ERFL: variants seen among roughly 807,000 people sequenced by gnomAD.
The protein encoded by ERFL is ETS repressor factor like.
In ERFL, 8 loss-of-function variants were observed where a neutral mutation model predicts 27.9. The observed-to-expected ratio is 0.29, with a 90% CI of 0.17 to 0.52. The LOEUF is 0.52. Ranked by LOEUF, ERFL falls within the 20% of genes least tolerant of loss-of-function variation. The probability of loss-of-function intolerance (pLI) is 0.97; values close to 1 mark genes in which losing one functional copy is unlikely to be tolerated. For synonymous variants in ERFL, 174 were observed against 202.8 expected, an observed-to-expected ratio of 0.86 and a Z score of 1.21; for missense variants, 294 against 444.4, an observed-to-expected ratio of 0.66 and a Z score of 3.04.
chr19:41,919,080 T>TACACC (rs1555852200), intron 1 of ERFL, among the ~76,000 whole-genome samples: 1 of 148,346 alleles, frequency 6.7e-6, no homozygotes, highest in Non-Finnish European at 1.5e-5. Flanking sequence ...CCACACACAT[T>TACACC]ACACCACACC....
intron 1 of ERFL, among the ~76,000 whole-genome samples, chr19:41,920,135 T>C (rs2074831658): frequency 1.0e-5 from 1 of 99,640 alleles, no homozygotes; most frequent in African/African-American, 4.3e-5. Context: ...ACACATGCGC[T>C]CACAGACATG....
At chr19:41,920,491 A>G (rs2074835706) in intron 1 of ERFL, among the ~76,000 whole-genome samples, 1 of 149,822 alleles carries the variant, frequency 6.7e-6, no homozygotes, top group African/African-American at 2.5e-5. Context: ...CGTGACACAC[A>G]GACATGACGC....
intron 1 of ERFL, among the ~76,000 whole-genome samples, chr19:41,913,839 C>T (rs1326211318): frequency 1.3e-5 from 2 of 151,334 alleles, no homozygotes; most frequent in East Asian, 2.0e-4. Context: ...CTCTCACACC[C>T]CTCCGCAGAC....
chr19:41,909,093 G>T lies in ERFL; in HGVS notation c.583C>A (p.Arg195Ser), dbSNP rs955746824. 2.4e-6 allele frequency: 3 copies of T among 1,231,638 alleles called. No homozygotes were observed. The highest frequency in any genetic ancestry group is 3.0e-6 in the Non-Finnish European group (3 of 988,030). The allele number at this position is 1,231,638 out of a possible 1,614,324, so 76.3% of individuals were successfully genotyped here. The change falls in exon 5 of 6, where the codon CGT becomes AGT. Residue 195 changes from arginine to serine, a missense_variant. Coordinates refer to ENST00000597630, the MANE Select transcript of ERFL (RefSeq NM_001365103.2). This position sits in a 1 kb window ranked among gnomAD's most constrained non-coding sequence, Gnocchi z 5.2. ...AGGAATGGGAAAGGGCTGTCCAGACGCAATTTATCTGTCTCGGAGGTGAAC... is the reference window on the plus strand; with the variant it reads ...AGGAATGGGAAAGGGCTGTCCAGACTCAATTTATCTGTCTCGGAGGTGAAC... Reference protein sequence around the residue: ...PLFTSETDKLRLDSPFPFLGS... With the variant: ...PLFTSETDKLSLDSPFPFLGS...
chr19:41,909,593 AGGC>A lies in ERFL; in HGVS notation c.303-125_303-123del. 2.3e-6 allele frequency: 2 copies of A among 867,960 alleles called. No individual in the cohort carries two copies. The highest frequency in any genetic ancestry group is 3.2e-6 in the Non-Finnish European group (2 of 616,314). 53.8% of individuals were successfully genotyped at this position (867,960 alleles called of 1,614,324 possible). ...AGAGCACTAGAACTTGGGGAAACTGAGGCTCACAGAAGTCCCTTAATAGGGATC... is the reference window on the plus strand; with the variant it reads ...AGAGCACTAGAACTTGGGGAAACTGATCACAGAAGTCCCTTAATAGGGATC... On this transcript the variant is annotated intron_variant, in intron 3 of 5. Transcript: ENST00000597630. The surrounding 1 kb of genome is among the most constrained non-coding windows in gnomAD (Gnocchi z 5.2).
Position 41,909,164 on chromosome 19 carries a change from A to T in ERFL, c.512T>A (p.Leu171Gln). Residue 171 changes from leucine (L) to glutamine (Q), a missense_variant, in exon 5 of 6, where the codon CTG becomes CAG. Leu to Gln is a moderately radical substitution (Grantham distance 113). Coordinates refer to ENST00000597630, the MANE Select transcript of ERFL (RefSeq NM_001365103.2). The surrounding 1 kb of genome is among the most constrained non-coding windows in gnomAD (Gnocchi z 5.2). ...PPLTPETLQT[L>Q]FSAPRLGEPG... The stretch of plus-strand genomic sequence containing the variant: ...CTCTCCCAGGCGTGGGGCAGAGAAC[A>T]GGGTTTGCAGGGTCTAGAGAGGGAG... The T allele has an allele frequency of 8.1e-7, 1 of 1,231,836 alleles. No homozygotes were observed. Among genetic ancestry groups the T allele is most frequent in the Non-Finnish European group, 1.0e-6 (1 of 988,092 alleles). The allele number at this position is 1,231,836 out of a possible 1,614,324, so 76.3% of individuals were successfully genotyped here.
At chr19:41,919,129 A>C (rs1555852213) in intron 1 of ERFL, among the ~76,000 whole-genome samples, 1 of 151,530 alleles carries the variant, frequency 6.6e-6, no homozygotes, top group Non-Finnish European at 1.5e-5. Flanking sequence ...CACATCACCC[A>C]CATACCACAC....
At chr19:41,914,676 TTCCA>T (rs2074782014) in intron 1 of ERFL, among the ~76,000 whole-genome samples, 3 of 14,578 alleles carry the variant, frequency 2.1e-4, no homozygotes, top group Admixed American at 7.2e-4. Flanking sequence ...CTCCCTCCCC[TTCCA>T]CCATCTCTGT....
chr19:41,927,327 C>T (rs971011808), intron 1 of ERFL, among the ~76,000 whole-genome samples: 1 of 152,136 alleles, frequency 6.6e-6, no homozygotes, highest in Non-Finnish European at 1.5e-5. Context: ...AGTGTGCAGA[C>T]CCCAGAATTG....
intron 1 of ERFL, among the ~76,000 whole-genome samples, chr19:41,914,587 CT>C (rs1348138912): frequency 4.3e-5 from 3 of 70,260 alleles, no homozygotes; most frequent in Non-Finnish European, 8.6e-5. Flanking sequence ...CTCTCCCTCC[CT>C]TTCCACCATC....
chr19:41,926,578 C>T (rs929577198), intron 1 of ERFL, among the ~76,000 whole-genome samples: 12 of 152,264 alleles, frequency 7.9e-5, no homozygotes, highest in African/African-American at 2.4e-4. Flanking sequence ...GGGTCCCTCC[C>T]GTGGCTCTGG....
In ERFL at chr19:41,909,973, C is replaced by T; in HGVS notation, c.192G>A (p.Gln64=). 1 of 1,613,922 alleles carries T rather than the reference C, an allele frequency of 6.2e-7. No individual in the cohort carries two copies. The highest frequency in any genetic ancestry group is 8.5e-7 in the Non-Finnish European group (1 of 1,179,978). The change falls in exon 3 of 6, where the codon CAG becomes CAA. Residue 64 remains glutamine (Q), a synonymous_variant. Coordinates refer to ENST00000597630, the MANE Select transcript of ERFL (RefSeq NM_001365103.2). The surrounding 1 kb of genome is among the most constrained non-coding windows in gnomAD (Gnocchi z 5.2). ...TGATGACGAATTCCCCGTAGTCCCC[C>T]TGCCAGGCTATGACGCCCTGGTACT... is the stretch of plus-strand genomic sequence containing the variant. The part of the protein sequence containing the change: ...KEEYQGVIAW[Q]GDYGEFVIKD...
intron 1 of ERFL, among the ~76,000 whole-genome samples, chr19:41,920,457 G>A (rs1416891315): frequency 4.9e-5 from 7 of 142,836 alleles, no homozygotes; most frequent in South Asian, 2.5e-4. Flanking sequence ...GACATGACAC[G>A]CCCAGACATG....
intron 1 of ERFL, among the ~76,000 whole-genome samples, chr19:41,926,794 C>T (rs1470048030): frequency 1.3e-5 from 2 of 152,156 alleles, no homozygotes; most frequent in African/African-American, 2.4e-5. Context: ...AGCGACCGAT[C>T]GATTCGCTAT....
At chr19:41,915,456 C>G (rs1222896883) in intron 1 of ERFL, among the ~76,000 whole-genome samples, 1 of 151,846 alleles carries the variant, frequency 6.6e-6, no homozygotes, top group African/African-American at 2.4e-5. Flanking sequence ...TCTCTTGGTT[C>G]CCACGTCGTC....
intron 1 of ERFL, among the ~76,000 whole-genome samples, chr19:41,918,963 C>T (rs909399540): frequency 1.3e-5 from 2 of 149,906 alleles, no homozygotes; most frequent in Admixed American, 6.6e-5. Flanking sequence ...CACATGCACA[C>T]CACACACCAC....
chr19:41,922,318 AAAGGGACAGAAAGCAGGAGATC>A (rs2145907206), intron 1 of ERFL, among the ~76,000 whole-genome samples: 1 of 152,278 alleles, frequency 6.6e-6, no homozygotes, highest in South Asian at 2.1e-4. Flanking sequence ...ATAGCAGATC[AAAGGGACAGAAAGCAGGAGATC>A]AAGGGACAGA....
intron 1 of ERFL, among the ~76,000 whole-genome samples, chr19:41,926,261 G>A (rs550572798): frequency 6.6e-6 from 1 of 152,072 alleles, no homozygotes; most frequent in South Asian, 2.1e-4. Flanking sequence ...GGTGTGAGGG[G>A]GACAAGTGTT....
In ERFL at chr19:41,911,759, A is replaced by G. The variant is rs576980977; in HGVS notation, c.67+1094T>C. Among the ~76,000 whole-genome samples, 3 of 152,256 alleles carry G rather than the reference A, an allele frequency of 2.0e-5. No individual in the cohort carries two copies. The South Asian group carries it at 6.2e-4, about 32-fold the overall frequency. On this transcript the variant is annotated intron_variant, in intron 2 of 5. Coordinates refer to ENST00000597630, the MANE Select transcript of ERFL (RefSeq NM_001365103.2). ...ACACCCACAGGACCCCAAGGTGACAAGAGGACACCCAACCCGATACTCCAT... is the reference window on the plus strand; with the variant it reads ...ACACCCACAGGACCCCAAGGTGACAGGAGGACACCCAACCCGATACTCCAT...
Sources: gnomAD v4.1 joint callset for allele counts (sites outside exome capture counted in the v4.1 genomes callset) on GRCh38, gnomAD v4.1.1 for gene constraint, Gnocchi (gnomAD v3.1) non-coding constraint, MANE v1.5 for transcripts, NCBI Gene and HGNC (gene_info 2026-07-23, HGNC 2026-07-21) for gene names.